PTPRQ: variants seen among roughly 807,000 people sequenced by gnomAD.
PTPRQ encodes the protein phosphatidylinositol phosphatase PTPRQ.
In PTPRQ, 199 loss-of-function variants were observed where a neutral mutation model predicts 246.0. That is an observed-to-expected ratio of 0.81 (90% CI 0.72 to 0.91). The LOEUF (loss-of-function observed/expected upper bound fraction) is 0.91, where lower values mean the gene tolerates loss of function less well. Ranked by LOEUF, PTPRQ falls within the 40% of genes least tolerant of loss-of-function variation. The probability of loss-of-function intolerance (pLI) is 0.00; values close to 1 mark genes in which losing one functional copy is unlikely to be tolerated. For synonymous variants in PTPRQ, 869 were observed against 853.2 expected, an observed-to-expected ratio of 1.02 and a Z score of -0.32; for missense variants, 2,624 against 2,528.4, an observed-to-expected ratio of 1.04 and a Z score of -0.81.
intron 17 of PTPRQ, among the ~76,000 whole-genome samples, chr12:80,526,469 G>T (rs1353870153): frequency 1.3e-5 from 2 of 152,030 alleles, no homozygotes. Context: ...ATATAGTAAG[G>T]TGAAGGTGAT....
intron 24 of PTPRQ, 101 bp from the exon 25 acceptor site, chr12:80,549,364 C>G (rs1896400067): frequency 3.0e-6 from 4 of 1,332,922 alleles, no homozygotes; most frequent in Admixed American, 6.0e-5. Context: ...AAATATTTTT[C>G]TAGTTCTAAA....
rs191137631 is a variant in PTPRQ, at chr12:80,463,963, C to T, written c.910+3061C>T. ...ACTAAGAAGAAACTGCATCAACTAA[C>T]GAGCAAAATAAACCAGCTAACATCA... is the stretch of plus-strand genomic sequence containing the variant. On this transcript the variant is annotated intron_variant, in intron 6 of 44. Coordinates refer to ENST00000644991, the MANE Select transcript of PTPRQ (RefSeq NM_001145026.2). 2.0e-3 allele frequency among the ~76,000 whole-genome samples: 302 copies of T among 151,740 alleles called. 4 individuals carry two copies. Among genetic ancestry groups the T allele is most frequent in the African/African-American group, 6.7e-3 (278 of 41,344 alleles).
At chr12:80,461,948 G>A (rs1206587186) in intron 6 of PTPRQ, 2 of 372 alleles carry the variant, frequency 5.4e-3, no homozygotes, top group East Asian at 0.091. Flanking sequence ...GCAGAAGACG[G>A]GTGATTTCCG....
intron 25 of PTPRQ, among the ~76,000 whole-genome samples, chr12:80,560,127 G>A (rs545117324): frequency 1.3e-5 from 2 of 152,288 alleles, no homozygotes; most frequent in African/African-American, 2.4e-5. Flanking sequence ...GTGCCACTGG[G>A]ATGTGGCCTG....
In PTPRQ at chr12:80,496,489, A is replaced by G. The variant is rs1177473848; in HGVS notation, c.2230A>G (p.Asn744Asp). ...VRSYTRFGHG[N>D]QVSSLLSVRT... is the part of the protein sequence containing the mutation. ...GTCTTACACCAGATTTGGTCATGGC[A>G]ATCAGGTATCTTCTTTACTCTCTGT... Residue 744 changes from asparagine (N) to aspartate (D), a missense_variant, in exon 14 of 45, where the codon AAT becomes GAT. Asn to Asp is a conservative substitution (Grantham distance 23). Transcript: ENST00000644991. 2.6e-6 allele frequency: 4 copies of G among 1,550,118 alleles called. No individual in the cohort carries two copies. In the African/African-American group the frequency reaches 5.5e-5, roughly 21 times the overall value.
intron 33 of PTPRQ, among the ~76,000 whole-genome samples, chr12:80,631,379 G>GT (rs1462558349): frequency 6.6e-6 from 1 of 151,982 alleles, no homozygotes; most frequent in Non-Finnish European, 1.5e-5. Context: ...AAAAAAATCA[G>GT]TATTTTTGTT....
chr12:80,619,587 A>C, intron 31 of PTPRQ, 45 bp downstream of exon 31: 2 of 1,394,112 alleles, frequency 1.4e-6, no homozygotes, highest in Non-Finnish European at 1.9e-6. Flanking sequence ...TGGAGTGTAG[A>C]TTACTGAGTG....
intron 23 of PTPRQ, among the ~76,000 whole-genome samples, chr12:80,545,491 T>A (rs893802643): frequency 6.6e-6 from 1 of 152,036 alleles, no homozygotes; most frequent in Admixed American, 6.6e-5. Flanking sequence ...ACATAGGAGA[T>A]TATCTTCTCT....
intron 14 of PTPRQ, among the ~76,000 whole-genome samples, chr12:80,500,620 C>T (rs1417793589): frequency 1.3e-5 from 2 of 151,976 alleles, no homozygotes; most frequent in Non-Finnish European, 2.9e-5. Flanking sequence ...AGTTTTTAAA[C>T]CCAATCTTTT....
At chr12:80,608,018 A>C (rs1592711682) in intron 27 of PTPRQ, among the ~76,000 whole-genome samples, 1 of 150,976 alleles carries the variant, frequency 6.6e-6, no homozygotes, top group African/African-American at 2.4e-5. Flanking sequence ...TAACAAAATA[A>C]TTAAAGTTCC....
At position 80,653,530 on chromosome 12, in the gene PTPRQ, C is replaced by T. The variant is rs1055235269; in HGVS notation, c.6115+696C>T. Among the ~76,000 whole-genome samples the T allele has an allele frequency of 7.2e-5, 11 of 152,208 alleles. No individual in the cohort carries two copies. In the South Asian group the frequency reaches 1.2e-3, roughly 17 times the overall value. On this transcript the variant is annotated intron_variant, in intron 38 of 44. Transcript: ENST00000644991. The stretch of plus-strand genomic sequence containing the variant: ...AAATTAAAAAGTGACATTGTGATGT[C>T]CTGAAACGTTTCAAAGTCTAGAGTT...
At chr12:80,631,168 T>C (rs976520701) in intron 33 of PTPRQ, among the ~76,000 whole-genome samples, 2 of 152,224 alleles carry the variant, frequency 1.3e-5, no homozygotes, top group Admixed American at 6.5e-5. Flanking sequence ...ATTTCAATTA[T>C]AAATTAATTA....
At chr12:80,651,365 T>C (rs941983545) in intron 37 of PTPRQ, among the ~76,000 whole-genome samples, 6 of 151,790 alleles carry the variant, frequency 4.0e-5, no homozygotes, top group African/African-American at 1.5e-4. Context: ...TGTTTGTATA[T>C]CAACCAGAAA....
chr12:80,455,715 C>CA (rs1446368768), intron 3 of PTPRQ, among the ~76,000 whole-genome samples: 1 of 151,862 alleles, frequency 6.6e-6, no homozygotes, highest in East Asian at 1.9e-4. Context: ...CTCAGCCTCC[C>CA]AAATAGCTGG....
chr12:80,539,675 A>T, intron 19 of PTPRQ, 101 bp from the exon 20 acceptor site: 1 of 969,108 alleles, frequency 1.0e-6, no homozygotes, highest in Non-Finnish European at 1.4e-6. Flanking sequence ...ATATTAAAAT[A>T]ATGATAAATA....
intron 33 of PTPRQ, among the ~76,000 whole-genome samples, chr12:80,631,762 A>G (rs887966058): frequency 1.3e-5 from 2 of 152,208 alleles, no homozygotes; most frequent in African/African-American, 4.8e-5. Context: ...ACAGTAATGG[A>G]GTGTCCATCA....
chr12:80,650,293 A>C (rs916972343), intron 37 of PTPRQ, among the ~76,000 whole-genome samples: 2 of 149,172 alleles, frequency 1.3e-5, no homozygotes, highest in Non-Finnish European at 3.0e-5. Flanking sequence ...TGTCACTTTA[A>C]ATCTACTTAA....
chr12:80,678,459 A>G, intron 43 of PTPRQ, 143 bp from the exon 44 acceptor site: 1 of 1,100,818 alleles, frequency 9.1e-7, no homozygotes, highest in Non-Finnish European at 1.2e-6. Flanking sequence ...AGAAAATCAT[A>G]TCTATACTAT....
At chr12:80,669,570 A>G in intron 41 of PTPRQ, 106 bp downstream of exon 41, 2 of 1,376,644 alleles carry the variant, frequency 1.5e-6, no homozygotes, top group Non-Finnish European at 1.9e-6. Context: ...GGATACCTGT[A>G]TATTCAACAA....
Sources: allele counts gnomAD v4.1 joint callset (sites outside exome capture counted in the v4.1 genomes callset), GRCh38; gene constraint gnomAD v4.1.1; transcripts MANE v1.5; gene names NCBI Gene and HGNC (gene_info 2026-07-23, HGNC 2026-07-21).